BCKDHA: variants seen among roughly 807,000 people sequenced by gnomAD.
The protein encoded by BCKDHA is 2-oxoisovalerate dehydrogenase subunit alpha, mitochondrial.
Under a neutral mutation model 52.2 loss-of-function variants are expected in BCKDHA, and 43 were observed. The ratio of observed to expected loss-of-function variants is 0.82; its 90% CI spans 0.64 to 1.06. The LOEUF is 1.06. Ranked by LOEUF, BCKDHA falls within the 50% of genes least tolerant of loss-of-function variation. The probability of loss-of-function intolerance (pLI) is 0.00; values close to 1 mark genes in which losing one functional copy is unlikely to be tolerated. For missense variants in BCKDHA, 527 were observed against 621.3 expected (o/e 0.85, Z 1.61); for synonymous variants, 234 against 247.9 (o/e 0.94, Z 0.53).
intron 1 of BCKDHA, among the ~76,000 whole-genome samples, chr19:41,407,189 G>C (rs949564979): frequency 6.6e-6 from 1 of 152,132 alleles, no homozygotes; most frequent in African/African-American, 2.4e-5. Flanking sequence ...ATACGTCCCA[G>C]ATCGGTGCTG....
intron 5 of BCKDHA, among the ~76,000 whole-genome samples, chr19:41,419,803 C>T (rs1196192299): frequency 3.6e-4 from 49 of 135,220 alleles, no homozygotes; most frequent in Middle Eastern, 5.2e-3. Flanking sequence ...GTTTCACTCT[C>T]GTCAGCCAGG....
intron 4 of BCKDHA, chr19:41,418,781 C>T (rs747716232): frequency 1.5e-4 from 68 of 450,722 alleles, no homozygotes; most frequent in South Asian, 1.0e-3. Flanking sequence ...CTCAAGCGAT[C>T]CTCCAACGTC....
chr19:41,416,947 G>A (rs2122128476), intron 4 of BCKDHA, among the ~76,000 whole-genome samples: 1 of 152,274 alleles, frequency 6.6e-6, no homozygotes, highest in Non-Finnish European at 1.5e-5. Context: ...GGTAGCATGT[G>A]TCAAGCAAGA....
intron 3 of BCKDHA, among the ~76,000 whole-genome samples, chr19:41,412,384 T>C (rs1457636645): frequency 8.0e-6 from 1 of 124,868 alleles, no homozygotes; most frequent in Non-Finnish European, 1.7e-5. Context: ...ATATTTCTTT[T>C]TTTTTTTTTT....
At chr19:41,411,105 T>G (rs2039249118) in intron 3 of BCKDHA, 96 bp downstream of exon 3, 1 of 1,359,002 alleles carries the variant, frequency 7.4e-7, no homozygotes, top group African/African-American at 1.4e-5. Context: ...GAGGACAGAT[T>G]CTTTTTTGGG....
rs141991700 is a variant in BCKDHA, at chr19:41,424,540, C to G, written c.1270C>G (p.Gln424Glu). 6.2e-7 allele frequency: 1 copy of G among 1,614,162 alleles called. No homozygotes were observed. The highest frequency in any genetic ancestry group is 2.2e-5 in the East Asian group (1 of 44,880). ...QEMPAQLRKQ[Q>E]ESLARHLQTY... ...GATGCCCGCCCAGCTCCGCAAGCAG[C>G]AGGAGTCTCTGGCCCGCCACCTGCA... The change falls in exon 9 of 9, where the codon CAG becomes GAG. Residue 424 changes from glutamine to glutamate, a missense_variant. Gln to Glu is a conservative substitution (Grantham distance 29). Coordinates refer to ENST00000269980, the MANE Select transcript of BCKDHA (RefSeq NM_000709.4).
intron 1 of BCKDHA, among the ~76,000 whole-genome samples, chr19:41,398,513 T>C (rs1156978911): frequency 6.6e-6 from 1 of 152,198 alleles, no homozygotes; most frequent in Admixed American, 6.5e-5. Context: ...TTCTGGACAC[T>C]GTACAGAGGA....
At chr19:41,413,947 G>A (rs1208196488) in intron 3 of BCKDHA, 102 bp from the exon 4 acceptor site, 2 of 1,011,342 alleles carry the variant, frequency 2.0e-6, no homozygotes, top group Non-Finnish European at 3.1e-6. Context: ...CAGGAGGACT[G>A]TGAATTCATG....
In BCKDHA at chr19:41,422,181, G is replaced by A. The variant is rs141086188; in HGVS notation, c.664G>A (p.Ala222Thr). 4.3e-4 allele frequency: 686 copies of A among 1,613,742 alleles called. 2 individuals carry two copies. The highest frequency in any genetic ancestry group is 5.6e-4 in the Non-Finnish European group (657 of 1,179,970). ...CCCTGCAGCGGTGGGGGCGGCGTAC[G>A]CAGCCAAGCGGGCCAATGCCAACAG... ...QIPQAVGAAY[A>T]AKRANANRVV... Residue 222 changes from alanine (A) to threonine (T), a missense_variant, in exon 6 of 9, where the codon GCA becomes ACA. Physicochemically the swap from Ala to Thr is moderately conservative, Grantham distance 58. Transcript: ENST00000269980.
Position 41,397,889 on chromosome 19 carries a change from CCCT to C in BCKDHA, c.66_68del (p.Leu25del). 1 of 1,614,106 alleles carries C rather than the reference CCCT, an allele frequency of 6.2e-7. No individual in the cohort carries two copies. Among genetic ancestry groups the C allele is most frequent in the Non-Finnish European group, 8.5e-7 (1 of 1,180,030 alleles). ...CTAAACCGTGGTTTGAGCCAGGCTG[CCCT>C]CCTGCTGCTGCGGCAGCCTGGGGCT... is the stretch of plus-strand genomic sequence containing the variant. On this transcript the variant is annotated inframe_deletion, in exon 1 of 9. Coordinates refer to ENST00000269980, the MANE Select transcript of BCKDHA (RefSeq NM_000709.4).
chr19:41,411,827 C>A (rs1385224758), intron 3 of BCKDHA, among the ~76,000 whole-genome samples: 1 of 152,216 alleles, frequency 6.6e-6, no homozygotes, highest in Admixed American at 6.5e-5. Context: ...GGCTCTTACC[C>A]ACGCTAACCT....
intron 1 of BCKDHA, among the ~76,000 whole-genome samples, chr19:41,403,745 C>G (rs902934222): frequency 5.9e-5 from 9 of 152,198 alleles, no homozygotes; most frequent in African/African-American, 7.2e-5. Context: ...TCTCCACCAG[C>G]CTGTGAGGTG....
chr19:41,416,279 G>A (rs909972126), intron 4 of BCKDHA, among the ~76,000 whole-genome samples: 13 of 152,126 alleles, frequency 8.5e-5, no homozygotes, highest in African/African-American at 2.4e-4. Flanking sequence ...CTTTAGCCTC[G>A]GAGACTGTCA....
chr19:41,410,816 C>G lies in BCKDHA; in HGVS notation c.288C>G (p.His96Gln). 1 of 1,614,150 alleles carries G rather than the reference C, an allele frequency of 6.2e-7. No homozygotes were observed. The highest frequency in any genetic ancestry group is 8.5e-7 in the Non-Finnish European group (1 of 1,180,024). Residue 96 changes from histidine to glutamine, a missense_variant and splice_region_variant, in exon 2 of 9, where the codon CAC (histidine) becomes CAG (glutamine). Physicochemically the swap from His to Gln is conservative, Grantham distance 24. Transcript: ENST00000269980. The stretch of plus-strand genomic sequence containing the variant: ...TCATCAACCCCAGCGAGGACCCCCA[C>G]GTGAGAGGCGGCCTCCCCCACTTCC... ...GQIINPSEDP[H>Q]LPKEKVLKLY...
At chr19:41,424,292 A>T in intron 8 of BCKDHA, 146 bp from the exon 9 acceptor site, 1 of 906,456 alleles carries the variant, frequency 1.1e-6, no homozygotes, top group Non-Finnish European at 1.7e-6. Context: ...GGTTTTCATT[A>T]CACTTCTGCT....
chr19:41,404,580 C>T (rs770837670), intron 1 of BCKDHA, among the ~76,000 whole-genome samples: 5 of 151,416 alleles, frequency 3.3e-5, no homozygotes, highest in Non-Finnish European at 5.9e-5. Context: ...TGAGCCACCA[C>T]GCCCAGCCTA....
At position 41,410,918 on chromosome 19, in the gene BCKDHA, C is replaced by T. The variant is rs200646708; in HGVS notation, c.289-5C>T. ...CCCCACGTCTATCTGTGCCTCCACCCGCAGCTGCCGAAGGAGAAGGTGCTG... is the reference window on the plus strand; with the variant it reads ...CCCCACGTCTATCTGTGCCTCCACCTGCAGCTGCCGAAGGAGAAGGTGCTG... On this transcript the variant is annotated splice_polypyrimidine_tract_variant and splice_region_variant and intron_variant, in intron 2 of 8. Coordinates refer to ENST00000269980, the MANE Select transcript of BCKDHA (RefSeq NM_000709.4). The T allele has an allele frequency of 4.6e-4, 745 of 1,614,132 alleles. No homozygotes were observed. Among genetic ancestry groups the T allele is most frequent in the Admixed American group, 6.7e-4 (40 of 60,014 alleles).
At position 41,424,599 on chromosome 19, in the gene BCKDHA, C is replaced by T. The variant is rs148224513; in HGVS notation, c.1329C>T (p.Phe443=). 60 of 1,602,872 alleles carry T rather than the reference C, an allele frequency of 3.7e-5. No homozygotes were observed. In the East Asian group the frequency reaches 4.9e-4, roughly 13 times the overall value. Residue 443 remains phenylalanine, a synonymous_variant, in exon 9 of 9, where the codon TTC becomes TTT. Transcript: ENST00000269980. The part of the protein sequence containing the change: ...TYGEHYPLDH[F]DK ...GGGAGCACTACCCACTGGATCACTTCGATAAGTGAGACCTGCTCAGCCCAC... is the reference window on the plus strand; with the variant it reads ...GGGAGCACTACCCACTGGATCACTTTGATAAGTGAGACCTGCTCAGCCCAC...
rs1391709119 is a variant in BCKDHA, at chr19:41,409,869, C to T, written c.109-768C>T. 4.1e-5 allele frequency among the ~76,000 whole-genome samples: 6 copies of T among 146,088 alleles called. No homozygotes were observed. The East Asian group carries it at 1.0e-3, about 24-fold the overall frequency. On this transcript the variant is annotated intron_variant, in intron 1 of 8. Transcript: ENST00000269980. Reference sequence around the variant, plus strand: ...AGGCTAGAGTGCTATGGCGCAATCTCGGCTCACTGCAACCCCCACCTCCCG... The same window carrying T: ...AGGCTAGAGTGCTATGGCGCAATCTTGGCTCACTGCAACCCCCACCTCCCG...
Sources: gnomAD v4.1 joint callset for allele counts (sites outside exome capture counted in the v4.1 genomes callset) on GRCh38, gnomAD v4.1.1 for gene constraint, MANE v1.5 for transcripts, NCBI Gene and HGNC (gene_info 2026-07-23, HGNC 2026-07-21) for gene names.